LSAMP: variants seen among roughly 807,000 people sequenced by gnomAD.
LSAMP encodes limbic system associated membrane protein, also known as limbic system-associated membrane protein.
In LSAMP, 7 loss-of-function variants were observed where a neutral mutation model predicts 38.6. The observed-to-expected ratio is 0.18, with a 90% CI of 0.10 to 0.34. The LOEUF is 0.34. Ranked by LOEUF, LSAMP falls within the 10% of genes least tolerant of loss-of-function variation. The pLI is 1.00. For synonymous variants in LSAMP, 154 were observed against 166.8 expected, an observed-to-expected ratio of 0.92 and a Z score of 0.59; for missense variants, 313 against 420.0, an observed-to-expected ratio of 0.75 and a Z score of 2.23.
chr3:116,401,653 C>T (rs912997474), intron 1 of LSAMP, among the ~76,000 whole-genome samples: 6 of 152,172 alleles, frequency 3.9e-5, no homozygotes, highest in Non-Finnish European at 7.3e-5. Context: ...CAGATTTTAC[C>T]TGACCAGCTT....
At chr3:115,918,910 C>A (rs1473173360) in intron 3 of LSAMP, among the ~76,000 whole-genome samples, 1 of 152,056 alleles carries the variant, frequency 6.6e-6, no homozygotes, top group African/African-American at 2.4e-5. Flanking sequence ...TTGTAACAAT[C>A]CTATGAAATA....
chr3:115,981,303 T>G (rs1444478498), intron 3 of LSAMP, among the ~76,000 whole-genome samples: 1 of 152,138 alleles, frequency 6.6e-6, no homozygotes, highest in Non-Finnish European at 1.5e-5. Context: ...TATTTCTCAG[T>G]CAAGTCCTTA....
At chr3:116,226,572 T>A (rs978916917) in intron 1 of LSAMP, among the ~76,000 whole-genome samples, 48 of 152,246 alleles carry the variant, frequency 3.2e-4, no homozygotes, top group African/African-American at 1.1e-3. Context: ...ACAATCCACT[T>A]CTCTGGAATC....
At chr3:116,044,427 C>A (rs1941246127) in intron 2 of LSAMP, among the ~76,000 whole-genome samples, 1 of 152,006 alleles carries the variant, frequency 6.6e-6, no homozygotes, top group African/African-American at 2.4e-5. Flanking sequence ...TATTAATATT[C>A]GTCTCTGCAA....
chr3:115,814,803 A>C (rs1361820644), intron 6 of LSAMP, among the ~76,000 whole-genome samples: 1 of 152,202 alleles, frequency 6.6e-6, no homozygotes. Context: ...AAATAGAACA[A>C]AATTCTAAAC....
At chr3:116,331,452 A>G (rs182534878) in intron 1 of LSAMP, among the ~76,000 whole-genome samples, 1 of 152,226 alleles carries the variant, frequency 6.6e-6, no homozygotes. Context: ...AAGACACATT[A>G]TAATCAAACT....
chr3:116,317,651 G>C (rs532262057), intron 1 of LSAMP, among the ~76,000 whole-genome samples: 1 of 150,630 alleles, frequency 6.6e-6, no homozygotes, highest in East Asian at 2.1e-4. Flanking sequence ...CCCCGCGCCC[G>C]GCCCCAAAGA....
chr3:116,071,053 T>TAATAAATAAATA (rs369537377), intron 2 of LSAMP, among the ~76,000 whole-genome samples: 25 of 138,862 alleles, frequency 1.8e-4, no homozygotes, highest in African/African-American at 5.2e-4. Flanking sequence ...AATAAATAAA[T>TAATAAATAAATA]AATAAATAAA....
rs971503686 is a variant in LSAMP, at chr3:115,805,119, T to G, written c.*5198A>C. On this transcript the variant is annotated 3_prime_UTR_variant, in exon 7 of 7. Transcript: ENST00000490035. ...GAGAAAGGAGTAAAAAGAAGATAGCTGGGAGTGGATACAGCAGACATATAG... is the reference window on the plus strand; with the variant it reads ...GAGAAAGGAGTAAAAAGAAGATAGCGGGGAGTGGATACAGCAGACATATAG... 2 of 152,198 alleles carry G rather than the reference T, an allele frequency of 1.3e-5. No individual in the cohort carries two copies. Among genetic ancestry groups the G allele is most frequent in the Non-Finnish European group, 2.9e-5 (2 of 68,024 alleles). 9.4% of individuals were successfully genotyped at this position (152,198 alleles called of 1,614,324 possible). A position where few individuals can be genotyped will look rare whatever the true frequency, so the allele number is the denominator to read the frequency against.
chr3:116,351,093 C>A (rs987782318), intron 1 of LSAMP, among the ~76,000 whole-genome samples: 1 of 151,276 alleles, frequency 6.6e-6, no homozygotes, highest in African/African-American at 2.4e-5. Context: ...TTTTTTCAGC[C>A]CTGAAAGTTT....
chr3:116,342,029 T>C (rs1299677926), intron 1 of LSAMP, among the ~76,000 whole-genome samples: 2 of 151,964 alleles, frequency 1.3e-5, no homozygotes, highest in African/African-American at 4.8e-5. Flanking sequence ...ACAGTAATAG[T>C]ATTAAAATGC....
chr3:116,028,383 A>T (rs924485450), intron 2 of LSAMP, among the ~76,000 whole-genome samples: 1 of 152,136 alleles, frequency 6.6e-6, no homozygotes. Context: ...GGGATTTGTG[A>T]TCCTGCCCAG....
intron 1 of LSAMP, among the ~76,000 whole-genome samples, chr3:116,120,672 G>T (rs577382327): frequency 2.2e-3 from 328 of 152,184 alleles, no homozygotes; most frequent in Non-Finnish European, 3.9e-3. Flanking sequence ...CTGGATGAGT[G>T]GTCCATAACC....
chr3:116,053,748 T>G (rs543584886), intron 2 of LSAMP, among the ~76,000 whole-genome samples: 1 of 152,162 alleles, frequency 6.6e-6, no homozygotes, highest in Non-Finnish European at 1.5e-5. Flanking sequence ...TGGTATTATA[T>G]TCAGTAGGTA....
chr3:116,212,511 C>G (rs2046170952), intron 1 of LSAMP, among the ~76,000 whole-genome samples: 1 of 151,498 alleles, frequency 6.6e-6, no homozygotes, highest in African/African-American at 2.4e-5. Context: ...CCTGTTAAGG[C>G]TAAGATTTAA....
intron 2 of LSAMP, among the ~76,000 whole-genome samples, chr3:116,062,721 T>G (rs1291163303): frequency 6.6e-6 from 1 of 152,200 alleles, no homozygotes; most frequent in Non-Finnish European, 1.5e-5. Flanking sequence ...GTTCAAATTA[T>G]TCCTGGAATT....
rs1322558780 is a variant in LSAMP, at chr3:116,260,161, T to C, written c.156-173605A>G. Among the ~76,000 whole-genome samples the C allele has an allele frequency of 2.6e-5, 4 of 152,220 alleles. No homozygotes were observed. The East Asian group carries it at 5.8e-4, about 22-fold the overall frequency. ...TTCTAAGGAAAGGAATGCTAAACTT[T>C]CCCTCCTTCTAATCCTTTCAATAAG... On this transcript the variant is annotated intron_variant, in intron 1 of 6. Transcript: ENST00000490035.
At chr3:116,420,920 A>G (rs1167689606) in intron 1 of LSAMP, among the ~76,000 whole-genome samples, 2 of 152,300 alleles carry the variant, frequency 1.3e-5, no homozygotes, top group Middle Eastern at 3.4e-3. Context: ...TGCCAAAGCA[A>G]TTATATAGAG....
intron 1 of LSAMP, among the ~76,000 whole-genome samples, chr3:116,250,368 T>C (rs988130894): frequency 6.6e-6 from 1 of 152,204 alleles, no homozygotes; most frequent in African/African-American, 2.4e-5. Context: ...CTCTTCACTA[T>C]GGATTTGGTA....
Sources: allele counts gnomAD v4.1 joint callset (sites outside exome capture counted in the v4.1 genomes callset), GRCh38; gene constraint gnomAD v4.1.1; transcripts MANE v1.5; gene names NCBI Gene and HGNC (gene_info 2026-07-23, HGNC 2026-07-21).